Variants in CACNG4 observed in about 807,000 individuals in gnomAD.
CACNG4 encodes the protein calcium voltage-gated channel auxiliary subunit gamma 4.
Under a neutral mutation model 22.9 loss-of-function variants are expected in CACNG4, and 8 were observed. The ratio of observed to expected loss-of-function variants is 0.35; its 90% confidence interval spans 0.21 to 0.63. CACNG4 has a LOEUF of 0.63. CACNG4 is among the 30% of genes least tolerant of loss of function. The probability of loss-of-function intolerance (pLI) is 0.72; values close to 1 mark genes in which losing one functional copy is unlikely to be tolerated. For missense variants in CACNG4, 357 were observed against 455.4 expected (o/e 0.78, Z 1.97); for synonymous variants, 188 against 191.9 (o/e 0.98, Z 0.17).
chr17:66,986,223 A>G (rs964768703), intron 1 of CACNG4, among the ~76,000 whole-genome samples: 1 of 152,226 alleles, frequency 6.6e-6, no homozygotes, highest in African/African-American at 2.4e-5. Flanking sequence ...TCGCTCCATC[A>G]TACCTGCTTA....
At position 67,031,395 on chromosome 17, in the gene CACNG4, C is replaced by T. The variant is rs753893752; in HGVS notation, c.*391C>T. 2 of 466,548 alleles carry T rather than the reference C, an allele frequency of 4.3e-6. No individual in the cohort carries two copies. Among genetic ancestry groups the T allele is most frequent in the South Asian group, 3.1e-5 (2 of 64,652 alleles). 28.9% of individuals were successfully genotyped at this position (466,548 alleles called of 1,614,324 possible). A position where few individuals can be genotyped will look rare whatever the true frequency, so the allele number is the denominator to read the frequency against. On this transcript the variant is annotated 3_prime_UTR_variant, in exon 4 of 4. Transcript: ENST00000262138. This position sits in a 1 kb window ranked among gnomAD's most constrained non-coding sequence, Gnocchi z 4.0. ...GGATTTCAGGGCCTTCCCTCCCTGC[C>T]TGGGTGTCGGGCCACCAGAAGGCTC...
chr17:66,967,822 T>C lies in CACNG4; in HGVS notation c.220+2691T>C, dbSNP rs1434779895. Among the ~76,000 whole-genome samples, 29 of 152,220 alleles carry C rather than the reference T, an allele frequency of 1.9e-4. 1 individual carries two copies. Among genetic ancestry groups the C allele is most frequent in the Admixed American group, 1.9e-3 (29 of 15,286 alleles). ...ACAGATTCAGTTGCATGTTCGTGTC[T>C]TATAAATGATGTTGCCGGGCCAGGA... On this transcript the variant is annotated intron_variant, in intron 1 of 3. Coordinates refer to ENST00000262138, the MANE Select transcript of CACNG4 (RefSeq NM_014405.4).
intron 1 of CACNG4, among the ~76,000 whole-genome samples, chr17:66,992,807 G>A (rs142683074): frequency 6.6e-5 from 10 of 152,366 alleles, no homozygotes; most frequent in African/African-American, 9.6e-5. Flanking sequence ...GTGTCATTTC[G>A]CACTTGTGAT....
chr17:66,967,292 C>A (rs1010220580), intron 1 of CACNG4, among the ~76,000 whole-genome samples: 1 of 152,156 alleles, frequency 6.6e-6, no homozygotes, highest in Non-Finnish European at 1.5e-5. Flanking sequence ...AAGAACTGGG[C>A]TGCCTGTGTT....
intron 1 of CACNG4, among the ~76,000 whole-genome samples, chr17:66,996,303 A>T (rs576596170): frequency 1.3e-5 from 2 of 151,044 alleles, no homozygotes; most frequent in Non-Finnish European, 3.0e-5. Context: ...GAGCCAGGAG[A>T]GAGCAGTGCC....
chr17:66,979,745 CTTTTTTTTT>C (rs35942551), intron 1 of CACNG4, among the ~76,000 whole-genome samples: 1 of 92,016 alleles, frequency 1.1e-5, no homozygotes, highest in East Asian at 3.5e-4. Context: ...TCTTTTCATG[CTTTTTTTTT>C]TTTTTTTTTT....
chr17:67,025,866 A>G (rs1219138988), intron 3 of CACNG4, among the ~76,000 whole-genome samples: 1 of 152,242 alleles, frequency 6.6e-6, no homozygotes, highest in Non-Finnish European at 1.5e-5. Context: ...GGCTGGCTCC[A>G]GCTCTGCAGC....
At chr17:66,972,923 CTCAAAA>C (rs1160189472) in intron 1 of CACNG4, among the ~76,000 whole-genome samples, 1 of 148,154 alleles carries the variant, frequency 6.7e-6, no homozygotes, top group East Asian at 2.1e-4. Flanking sequence ...GAGACTCTGT[CTCAAAA>C]ACAAAAACAA....
chr17:66,993,353 G>A (rs1263102388), intron 1 of CACNG4, among the ~76,000 whole-genome samples: 2 of 152,234 alleles, frequency 1.3e-5, no homozygotes, highest in Non-Finnish European at 2.9e-5. Context: ...GTCATCACTG[G>A]TGCTGGAAGA....
chr17:67,018,805 C>T (rs1040688570), intron 2 of CACNG4, among the ~76,000 whole-genome samples: 1 of 152,114 alleles, frequency 6.6e-6, no homozygotes, highest in African/African-American at 2.4e-5. Flanking sequence ...TGCCAGGGAG[C>T]AGCCTCTGAT....
intron 2 of CACNG4, among the ~76,000 whole-genome samples, chr17:67,023,206 C>T (rs138586797): frequency 2.6e-5 from 4 of 151,782 alleles, no homozygotes; most frequent in Non-Finnish European, 5.9e-5. Context: ...CTAGGGCCCA[C>T]CGGATTCATC....
intron 1 of CACNG4, among the ~76,000 whole-genome samples, chr17:66,989,866 C>T (rs962654725): frequency 6.8e-6 from 1 of 145,992 alleles, no homozygotes; most frequent in Non-Finnish European, 1.5e-5. Context: ...TCGGATGAAA[C>T]ACTTTTGTCG....
At chr17:67,023,681 C>T (rs2143366474) in intron 2 of CACNG4, among the ~76,000 whole-genome samples, 1 of 152,060 alleles carries the variant, frequency 6.6e-6, no homozygotes, top group Non-Finnish European at 1.5e-5. Flanking sequence ...GAGAGATTCT[C>T]CTGCCTCAGC....
At position 67,031,075 on chromosome 17, in the gene CACNG4, G is replaced by T; in HGVS notation, c.*71G>T. The T allele has an allele frequency of 6.7e-7, 1 of 1,491,434 alleles. No individual in the cohort carries two copies. The allele number at this position is 1,491,434 out of a possible 1,614,324, so 92.4% of individuals were successfully genotyped here. A position where few individuals can be genotyped will look rare whatever the true frequency, so the allele number is the denominator to read the frequency against. On this transcript the variant is annotated 3_prime_UTR_variant, in exon 4 of 4. Coordinates refer to ENST00000262138, the MANE Select transcript of CACNG4 (RefSeq NM_014405.4). The surrounding 1 kb of genome is among the most constrained non-coding windows in gnomAD (Gnocchi z 4.0). Reference sequence around the variant, plus strand: ...CTTTTTGTCACACAGGATGGCATGTGATCCTCAAGACGACGAACAATGAAC... The same window carrying T: ...CTTTTTGTCACACAGGATGGCATGTTATCCTCAAGACGACGAACAATGAAC...
intron 1 of CACNG4, among the ~76,000 whole-genome samples, chr17:66,992,532 A>G (rs1310758927): frequency 3.9e-5 from 6 of 152,222 alleles, no homozygotes; most frequent in Non-Finnish European, 8.8e-5. Context: ...GGTTATGTCT[A>G]GAAAACAGCT....
chr17:66,980,958 T>A (rs1252355307), intron 1 of CACNG4, among the ~76,000 whole-genome samples: 1 of 151,992 alleles, frequency 6.6e-6, no homozygotes, highest in African/African-American at 2.4e-5. Flanking sequence ...GAGGTTCCTC[T>A]AAAAGAACAA....
At chr17:66,974,600 G>T (rs144651063) in intron 1 of CACNG4, among the ~76,000 whole-genome samples, 2 of 152,196 alleles carry the variant, frequency 1.3e-5, no homozygotes, top group African/African-American at 4.8e-5. Context: ...CCCGCGCAGA[G>T]TGCTCGTTAG....
At chr17:67,000,347 A>G (rs1327378215) in intron 1 of CACNG4, among the ~76,000 whole-genome samples, 2 of 151,768 alleles carry the variant, frequency 1.3e-5, no homozygotes, top group Non-Finnish European at 2.9e-5. Flanking sequence ...CCAGCCCACC[A>G]AGCCCCACGC....
chr17:67,022,076 C>CTTTTT (rs58541858), intron 2 of CACNG4, among the ~76,000 whole-genome samples: 3 of 137,002 alleles, frequency 2.2e-5, no homozygotes, highest in Admixed American at 7.3e-5. Context: ...AGCAACTGGG[C>CTTTTT]TTTTTTTTTT....
Sources: gnomAD v4.1 joint callset for allele counts (sites outside exome capture counted in the v4.1 genomes callset) on GRCh38, gnomAD v4.1.1 for gene constraint, Gnocchi (gnomAD v3.1) non-coding constraint, MANE v1.5 for transcripts, NCBI Gene and HGNC (gene_info 2026-07-23, HGNC 2026-07-21) for gene names.